SEMA5A: variants seen among roughly 807,000 people sequenced by gnomAD.
SEMA5A encodes semaphorin 5A.
In SEMA5A, 55 loss-of-function variants were observed where a neutral mutation model predicts 135.5. The ratio of observed to expected loss-of-function variants is 0.41; its 90% CI spans 0.33 to 0.51. SEMA5A has a LOEUF of 0.51. SEMA5A is among the 20% of genes least tolerant of loss of function. The pLI, the probability that SEMA5A is intolerant of heterozygous loss-of-function variation, is 0.37. For synonymous variants in SEMA5A, 580 were observed against 546.5 expected (o/e 1.06, Z -0.85); for missense variants, 1,290 against 1,419.9 (o/e 0.91, Z 1.47).
At chr5:9,319,950 A>G (rs901537195) in intron 4 of SEMA5A, among the ~76,000 whole-genome samples, 1 of 152,114 alleles carries the variant, frequency 6.6e-6, no homozygotes, top group Non-Finnish European at 1.5e-5. Context: ...TGAGTTATGG[A>G]CAGAGTTAGG....
chr5:9,443,942 C>T (rs1209171279), intron 1 of SEMA5A, among the ~76,000 whole-genome samples: 1 of 152,234 alleles, frequency 6.6e-6, no homozygotes, highest in African/African-American at 2.4e-5. Context: ...ACCACTCTTA[C>T]CATGGTCCAG....
intron 1 of SEMA5A, among the ~76,000 whole-genome samples, chr5:9,491,646 C>T (rs750396567): frequency 1.3e-5 from 2 of 152,124 alleles, no homozygotes; most frequent in Non-Finnish European, 2.9e-5. Context: ...TGTTGTCTTT[C>T]ATCAGATCAC....
At chr5:9,148,282 G>A (rs1176054501) in intron 12 of SEMA5A, among the ~76,000 whole-genome samples, 1 of 152,154 alleles carries the variant, frequency 6.6e-6, no homozygotes, top group Non-Finnish European at 1.5e-5. Flanking sequence ...AAAGGTAGAT[G>A]ATAATCTAAC....
chr5:9,161,602 T>G (rs1316734116), intron 11 of SEMA5A, among the ~76,000 whole-genome samples: 1 of 152,222 alleles, frequency 6.6e-6, no homozygotes, highest in Non-Finnish European at 1.5e-5. Flanking sequence ...ACATTTCAGC[T>G]GGCCAGAGAC....
At chr5:9,085,802 G>C (rs1738649481) in intron 16 of SEMA5A, among the ~76,000 whole-genome samples, 1 of 152,146 alleles carries the variant, frequency 6.6e-6, no homozygotes, top group South Asian at 2.1e-4. Flanking sequence ...TCCACTGACA[G>C]CTTGCACCAT....
chr5:9,410,127 GT>G (rs1222412257), intron 2 of SEMA5A, among the ~76,000 whole-genome samples: 2 of 151,946 alleles, frequency 1.3e-5, no homozygotes, highest in African/African-American at 4.8e-5. Flanking sequence ...CCTGTAATTT[GT>G]TTTTATTAAA....
At chr5:9,272,556 A>G (rs563865521) in intron 5 of SEMA5A, among the ~76,000 whole-genome samples, 14 of 152,188 alleles carry the variant, frequency 9.2e-5, no homozygotes, top group African/African-American at 3.4e-4. Context: ...ATCCCGGTGT[A>G]TCGTGAATGT....
At chr5:9,455,197 G>A (rs1212585147) in intron 1 of SEMA5A, among the ~76,000 whole-genome samples, 1 of 152,016 alleles carries the variant, frequency 6.6e-6, no homozygotes, top group Non-Finnish European at 1.5e-5. Context: ...ACCTCTGTCT[G>A]AGTTTCCTGC....
At chr5:9,341,657 AATATATATAATATATATTAT>A in intron 3 of SEMA5A, among the ~76,000 whole-genome samples, 1 of 77,132 alleles carries the variant, frequency 1.3e-5, no homozygotes, top group Non-Finnish European at 3.3e-5. Context: ...ATATATATAT[AATATATATAATATATATTAT>A]ATATATATAA....
intron 12 of SEMA5A, among the ~76,000 whole-genome samples, chr5:9,144,271 G>A (rs1402553015): frequency 6.6e-6 from 1 of 152,132 alleles, no homozygotes; most frequent in Non-Finnish European, 1.5e-5. Context: ...TCTTTTTCAA[G>A]AGAAACACTT....
chr5:9,534,753 G>T (rs1737661973), intron 1 of SEMA5A, among the ~76,000 whole-genome samples: 1 of 152,180 alleles, frequency 6.6e-6, no homozygotes, highest in African/African-American at 2.4e-5. Context: ...ATGGGGCGGG[G>T]GTTGTTTAGA....
chr5:9,504,148 G>A (rs1315174956), intron 1 of SEMA5A, among the ~76,000 whole-genome samples: 2 of 149,734 alleles, frequency 1.3e-5, no homozygotes, highest in Admixed American at 1.3e-4. Context: ...CCAGGAGGCG[G>A]AGGCTGCAGT....
chr5:9,179,374 T>G (rs1460575387), intron 11 of SEMA5A, among the ~76,000 whole-genome samples: 2 of 152,156 alleles, frequency 1.3e-5, no homozygotes, highest in Non-Finnish European at 2.9e-5. Context: ...AAGTCACCTG[T>G]CTCAGGTGGG....
chr5:9,275,062 C>G (rs1750183702), intron 5 of SEMA5A, among the ~76,000 whole-genome samples: 1 of 151,624 alleles, frequency 6.6e-6, no homozygotes, highest in Non-Finnish European at 1.5e-5. Flanking sequence ...TTGAAAAGAT[C>G]AACAAAATAG....
chr5:9,319,676 C>T (rs1752540603), intron 4 of SEMA5A, among the ~76,000 whole-genome samples: 1 of 152,008 alleles, frequency 6.6e-6, no homozygotes. Context: ...CATGCTGGCA[C>T]ATAATGGTAA....
intron 8 of SEMA5A, among the ~76,000 whole-genome samples, chr5:9,206,420 G>A (rs1806059): frequency 0.016 from 2,375 of 151,788 alleles, 53 homozygotes; most frequent in African/African-American, 0.052. Flanking sequence ...TAGGACTACC[G>A]AGAAGTGACT....
In SEMA5A at chr5:9,197,312, G is replaced by C; in HGVS notation, c.933-9C>G. 6.3e-7 allele frequency: 1 copy of C among 1,590,374 alleles called. No homozygotes were observed. The highest frequency in any genetic ancestry group is 1.1e-5 in the South Asian group (1 of 90,088). ...AGGCCGCAATGCTGTTCCTGGGAGC[G>C]GAGGGAGAGAGAGAAGGCAGTCAGA... On this transcript the variant is annotated splice_polypyrimidine_tract_variant and intron_variant, in intron 9 of 22. Transcript: ENST00000382496.
chr5:9,202,969 T>C (rs1016327104), intron 8 of SEMA5A, among the ~76,000 whole-genome samples: 1 of 152,140 alleles, frequency 6.6e-6, no homozygotes, highest in African/African-American at 2.4e-5. Flanking sequence ...AGTTTTAAAA[T>C]GGGGAAACAA....
chr5:9,070,295 TG>T (rs1479278998), intron 16 of SEMA5A, among the ~76,000 whole-genome samples: 1 of 152,106 alleles, frequency 6.6e-6, no homozygotes, highest in African/African-American at 2.4e-5. Flanking sequence ...TGCTTGAATC[TG>T]GGAGGCGGAG....
Sources: gnomAD v4.1 joint callset for allele counts (sites outside exome capture counted in the v4.1 genomes callset) on GRCh38, gnomAD v4.1.1 for gene constraint, MANE v1.5 for transcripts, NCBI Gene and HGNC (gene_info 2026-07-23, HGNC 2026-07-21) for gene names.